Variants in UIMC1 observed in about 807,000 individuals in gnomAD.
UIMC1 encodes the protein ubiquitin interaction motif containing 1.
A neutral mutation model predicts 84.9 loss-of-function variants in UIMC1; 42 were observed. The ratio of observed to expected loss-of-function variants is 0.49; its 90% CI spans 0.39 to 0.64. The LOEUF (loss-of-function observed/expected upper bound fraction) is 0.64. UIMC1 is among the 30% of genes least tolerant of loss of function. The pLI is 0.00. For missense variants in UIMC1, 825 were observed against 847.6 expected (o/e 0.97, Z 0.33); for synonymous variants, 281 against 293.0 (o/e 0.96, Z 0.42).
chr5:176,950,251 C>T (rs975225953), intron 9 of UIMC1, among the ~76,000 whole-genome samples: 1 of 151,108 alleles, frequency 6.6e-6, no homozygotes, highest in Non-Finnish European at 1.5e-5. Context: ...AGATGCGCAC[C>T]ACCACGCCCA....
chr5:176,909,088 T>C (rs1759778842), intron 11 of UIMC1, among the ~76,000 whole-genome samples: 1 of 152,178 alleles, frequency 6.6e-6, no homozygotes, highest in Non-Finnish European at 1.5e-5. Context: ...ACCAAGAGCA[T>C]TAAATTAAGT....
In UIMC1 at chr5:176,981,027, C is replaced by T. The variant is rs539354764; in HGVS notation, c.147+1442G>A. On this transcript the variant is annotated intron_variant, in intron 2 of 14. Coordinates refer to ENST00000511320, the MANE Select transcript of UIMC1 (RefSeq NM_001199298.2). ...AAGCACTGGGATTATAGGGATGAGTCACCAGGGATGTACCTACCCCTTGTT... is the reference window on the plus strand; with the variant it reads ...AAGCACTGGGATTATAGGGATGAGTTACCAGGGATGTACCTACCCCTTGTT... Among the ~76,000 whole-genome samples the T allele has an allele frequency of 4.6e-5, 7 of 152,264 alleles. No individual in the cohort carries two copies. The East Asian group carries it at 1.2e-3, about 25-fold the overall frequency.
chr5:176,958,421 TAAC>T (rs1323525116), intron 6 of UIMC1, among the ~76,000 whole-genome samples: 2 of 152,234 alleles, frequency 1.3e-5, no homozygotes, highest in African/African-American at 4.8e-5. Context: ...AAATGGGTAT[TAAC>T]AATTGCCTCA....
At chr5:176,971,824 A>G (rs1769279427) in intron 3 of UIMC1, among the ~76,000 whole-genome samples, 1 of 151,948 alleles carries the variant, frequency 6.6e-6, no homozygotes, top group Admixed American at 6.6e-5. Flanking sequence ...GAGGAGAATC[A>G]CTTGAACCCG....
chr5:176,943,556 G>C, intron 9 of UIMC1, 68 bp from the exon 10 acceptor site: 1 of 1,550,964 alleles, frequency 6.4e-7, no homozygotes, highest in South Asian at 1.2e-5. Context: ...CGAACTGCAA[G>C]AGACTCCACC....
chr5:176,939,599 T>C (rs889713433), intron 10 of UIMC1, among the ~76,000 whole-genome samples: 1 of 152,206 alleles, frequency 6.6e-6, no homozygotes, highest in Non-Finnish European at 1.5e-5. Context: ...CCAAGATCAA[T>C]AGGCTATACC....
intron 10 of UIMC1, among the ~76,000 whole-genome samples, chr5:176,926,533 A>G (rs563150452): frequency 1.3e-5 from 2 of 151,992 alleles, no homozygotes; most frequent in South Asian, 4.2e-4. Context: ...GCTACTAGGG[A>G]GGCTGAGGTG....
At chr5:176,965,506 G>C (rs1768159201) in intron 6 of UIMC1, among the ~76,000 whole-genome samples, 1 of 151,504 alleles carries the variant, frequency 6.6e-6, no homozygotes, top group Non-Finnish European at 1.5e-5. Context: ...TATTTTAGTA[G>C]AGACAAGGTC....
At chr5:176,988,679 ATTTTTTT>A (rs377752493) in intron 1 of UIMC1, among the ~76,000 whole-genome samples, 2 of 135,774 alleles carry the variant, frequency 1.5e-5, no homozygotes, top group Admixed American at 7.5e-5. Context: ...TGTTAGGTGA[ATTTTTTT>A]TTTTTTTTTT....
intron 11 of UIMC1, among the ~76,000 whole-genome samples, chr5:176,909,237 G>A (rs987709514): frequency 7.2e-5 from 11 of 152,290 alleles, no homozygotes; most frequent in South Asian, 4.1e-4. Flanking sequence ...AGGCTTTTGC[G>A]TAATTTTATA....
At chr5:176,929,778 C>T (rs1762859981) in intron 10 of UIMC1, among the ~76,000 whole-genome samples, 2 of 152,028 alleles carry the variant, frequency 1.3e-5, no homozygotes, top group African/African-American at 4.8e-5. Flanking sequence ...AAGACAAATA[C>T]CAAAGATAAA....
intron 1 of UIMC1, among the ~76,000 whole-genome samples, chr5:177,005,061 A>AT (rs925952557): frequency 1.0e-3 from 149 of 147,194 alleles, no homozygotes; most frequent in African/African-American, 1.6e-3. Context: ...CGCCCAGCTA[A>AT]TTTTTTTTTT....
chr5:176,974,929 G>A (rs1769827931), intron 3 of UIMC1, among the ~76,000 whole-genome samples: 1 of 152,114 alleles, frequency 6.6e-6, no homozygotes, highest in African/African-American at 2.4e-5. Context: ...CCAAGCTGGA[G>A]GATTGCTTGA....
At position 176,933,559 on chromosome 5, in the gene UIMC1, C is replaced by T. The variant is rs185229783; in HGVS notation, c.1597+9776G>A. On this transcript the variant is annotated intron_variant, in intron 10 of 14. Coordinates refer to ENST00000511320, the MANE Select transcript of UIMC1 (RefSeq NM_001199298.2). ...TTTTTTTCTTTTTTTGAGACAGGGT[C>T]TTGCTCAGTCACTCAGGCTGGAGTG... 4.5e-3 allele frequency among the ~76,000 whole-genome samples: 670 copies of T among 150,280 alleles called. 2 individuals carry two copies. Among genetic ancestry groups the T allele is most frequent in the Middle Eastern group, 0.01 (3 of 294 alleles).
intron 9 of UIMC1, among the ~76,000 whole-genome samples, chr5:176,949,006 A>G (rs1368604028): frequency 1.3e-5 from 2 of 151,618 alleles, no homozygotes; most frequent in African/African-American, 4.8e-5. Context: ...TTTTTTTAAA[A>G]TATTTTCCTA....
Position 176,905,162 on chromosome 5 carries a change from C to T in UIMC1, c.*120G>A. 1 of 946,414 alleles carries T rather than the reference C, an allele frequency of 1.1e-6. No homozygotes were observed. Among genetic ancestry groups the T allele is most frequent in the Non-Finnish European group, 1.6e-6 (1 of 634,954 alleles). 58.6% of individuals were successfully genotyped at this position (946,414 alleles called of 1,614,324 possible). ...TAAAAACCAGAATGCTGGGTAGGTG[C>T]TGGTGGTGAAAACTGCAGGGCTAAA... On this transcript the variant is annotated 3_prime_UTR_variant, in exon 15 of 15. Transcript: ENST00000511320.
At chr5:176,936,894 G>C (rs1435880937) in intron 10 of UIMC1, among the ~76,000 whole-genome samples, 1 of 152,062 alleles carries the variant, frequency 6.6e-6, no homozygotes, top group African/African-American at 2.4e-5. Context: ...TTTCTCTAAA[G>C]TACTTATCAC....
chr5:176,917,730 TG>T (rs1310093414), intron 10 of UIMC1, among the ~76,000 whole-genome samples: 2 of 152,098 alleles, frequency 1.3e-5, no homozygotes, highest in East Asian at 3.9e-4. Flanking sequence ...GAGGCCGAGG[TG>T]GGTGGATCAC....
intron 1 of UIMC1, among the ~76,000 whole-genome samples, chr5:177,019,940 A>G (rs1399778763): frequency 6.6e-6 from 1 of 151,946 alleles, no homozygotes; most frequent in Non-Finnish European, 1.5e-5. Flanking sequence ...AAAAAAAAAA[A>G]ATTGTAAAAC....
Sources: allele counts gnomAD v4.1 joint callset (sites outside exome capture counted in the v4.1 genomes callset), GRCh38; gene constraint gnomAD v4.1.1; transcripts MANE v1.5; gene names NCBI Gene and HGNC (gene_info 2026-07-23, HGNC 2026-07-21).